Variants in PUM1 observed in about 807,000 individuals in gnomAD.
PUM1 encodes the protein pumilio RNA binding family member 1.
PUM1 carries 13 observed loss-of-function variants against 131.8 expected under a neutral mutation model. The ratio of observed to expected loss-of-function variants is 0.10; its 90% confidence interval spans 0.06 to 0.16. The LOEUF is 0.16. PUM1 is among the 10% of genes least tolerant of loss of function. The probability of loss-of-function intolerance (pLI) is 1.00; values close to 1 mark genes in which losing one functional copy is unlikely to be tolerated. For synonymous variants in PUM1, 509 were observed against 556.5 expected (o/e 0.91, Z 1.20); for missense variants, 961 against 1,512.4 (o/e 0.64, Z 6.05).
rs1053261904 is a variant in PUM1 at position 30,985,940 on chromosome 1, C to A, written c.1159-4535G>T. On this transcript the variant is annotated intron_variant, in intron 7 of 21. Coordinates refer to ENST00000426105, the MANE Select transcript of PUM1 (RefSeq NM_001020658.2). Reference sequence around the variant, plus strand: ...TAGCTTGTACTAGATGACCTTCAAACAAGTCCCTAAACTTCACTGATTTTT... The same window carrying A: ...TAGCTTGTACTAGATGACCTTCAAAAAAGTCCCTAAACTTCACTGATTTTT... Among the ~76,000 whole-genome samples the A allele has an allele frequency of 1.8e-4, 28 of 152,040 alleles. 1 individual carries two copies. The highest frequency in any genetic ancestry group is 3.2e-3 in the Middle Eastern group (1 of 316).
In PUM1 at chr1:31,003,479, G is replaced by A. The variant is rs150333610; in HGVS notation, c.720+2374C>T. Among the ~76,000 whole-genome samples the A allele has an allele frequency of 3.4e-3, 517 of 152,214 alleles. 2 individuals are homozygous for A. Among genetic ancestry groups the A allele is most frequent in the African/African-American group, 0.011 (470 of 41,512 alleles). On this transcript the variant is annotated intron_variant, in intron 5 of 21. Transcript: ENST00000426105. The stretch of plus-strand genomic sequence containing the variant: ...AAAGCTGATAATCAGTTCACTGGCC[G>A]GGCGCGGTGGCTCACGCTTGTAATC...
intron 7 of PUM1, among the ~76,000 whole-genome samples, chr1:30,988,893 G>A (rs1029753142): frequency 3.9e-5 from 6 of 152,104 alleles, no homozygotes; most frequent in African/African-American, 1.4e-4. Context: ...CATTAATTTA[G>A]CACTTAGTTC....
chr1:30,979,536 G>C (rs1641275393), intron 9 of PUM1, among the ~76,000 whole-genome samples: 2 of 151,786 alleles, frequency 1.3e-5, no homozygotes, highest in Non-Finnish European at 2.9e-5. Context: ...CCGACTCCAA[G>C]TAAGTTGTAA....
intron 2 of PUM1, among the ~76,000 whole-genome samples, chr1:31,046,716 C>T (rs918807800): frequency 6.6e-6 from 1 of 151,908 alleles, no homozygotes; most frequent in African/African-American, 2.4e-5. Flanking sequence ...GTGATCCACC[C>T]ACCTCCGTCT....
chr1:31,009,017 CAAA>C (rs57893493), intron 3 of PUM1, among the ~76,000 whole-genome samples: 1 of 121,808 alleles, frequency 8.2e-6, no homozygotes, highest in Non-Finnish European at 1.8e-5. Context: ...ACTAAAAATA[CAAA>C]AAAAAAAAAA....
At chr1:31,020,589 A>G (rs1449890343) in intron 3 of PUM1, among the ~76,000 whole-genome samples, 2 of 152,156 alleles carry the variant, frequency 1.3e-5, no homozygotes, top group Non-Finnish European at 2.9e-5. Flanking sequence ...ACACCCCCAA[A>G]GCAGGAAGCA....
intron 2 of PUM1, among the ~76,000 whole-genome samples, chr1:31,049,689 A>T (rs1644060649): frequency 6.6e-6 from 1 of 152,082 alleles, no homozygotes; most frequent in African/African-American, 2.4e-5. Context: ...CAAAAAAATA[A>T]AATTAAATTT....
At chr1:30,986,617 A>G (rs1641570767) in intron 7 of PUM1, among the ~76,000 whole-genome samples, 1 of 152,216 alleles carries the variant, frequency 6.6e-6, no homozygotes, top group Admixed American at 6.5e-5. Flanking sequence ...ATCTGATTCC[A>G]AAACAAATGA....
chr1:30,956,869 C>T (rs1389328216), intron 14 of PUM1, among the ~76,000 whole-genome samples: 3 of 152,092 alleles, frequency 2.0e-5, no homozygotes, highest in Non-Finnish European at 4.4e-5. Context: ...ACTATACTTC[C>T]AGTTATAAAG....
chr1:31,060,217 T>C (rs1469601887), intron 1 of PUM1, among the ~76,000 whole-genome samples: 2 of 150,370 alleles, frequency 1.3e-5, no homozygotes, highest in East Asian at 4.2e-4. Context: ...TCCCAGCACT[T>C]TGGGAGGCCA....
intron 2 of PUM1, among the ~76,000 whole-genome samples, chr1:31,040,650 T>C (rs1307722457): frequency 6.6e-6 from 1 of 152,182 alleles, no homozygotes; most frequent in Non-Finnish European, 1.5e-5. Context: ...CGAAGGCATA[T>C]GCCTGTAGTG....
At chr1:30,968,216 G>T (rs1640704411) in intron 11 of PUM1, 138 bp downstream of exon 11, 1 of 1,152,974 alleles carries the variant, frequency 8.7e-7, no homozygotes, top group Non-Finnish European at 1.3e-6. Context: ...GTGAGGGCAA[G>T]TGTGTATCAT....
At chr1:31,032,935 G>A (rs559465753) in intron 2 of PUM1, among the ~76,000 whole-genome samples, 3 of 151,914 alleles carry the variant, frequency 2.0e-5, no homozygotes, top group Non-Finnish European at 4.4e-5. Flanking sequence ...GCAAAACTCC[G>A]TCTCTACTAA....
chr1:30,961,977 C>T (rs1454358790), intron 14 of PUM1, among the ~76,000 whole-genome samples: 1 of 152,144 alleles, frequency 6.6e-6, no homozygotes, highest in Non-Finnish European at 1.5e-5. Context: ...TGTTATGTTT[C>T]TTATACTAAA....
intron 18 of PUM1, among the ~76,000 whole-genome samples, chr1:30,943,943 T>C (rs1639564341): frequency 6.6e-6 from 1 of 152,260 alleles, no homozygotes; most frequent in Non-Finnish European, 1.5e-5. Flanking sequence ...GGCTCACTTT[T>C]ACATCATGTT....
chr1:31,014,643 C>A (rs927501692), intron 3 of PUM1, among the ~76,000 whole-genome samples: 2 of 151,894 alleles, frequency 1.3e-5, no homozygotes, highest in Admixed American at 1.3e-4. Flanking sequence ...CAAAAATCAG[C>A]CAGGCGTAGT....
intron 5 of PUM1, among the ~76,000 whole-genome samples, chr1:31,002,611 C>T (rs1237854304): frequency 6.6e-6 from 1 of 152,048 alleles, no homozygotes; most frequent in Non-Finnish European, 1.5e-5. Context: ...CCACCCTGAA[C>T]CATGGGGGGC....
At chr1:30,942,973 C>A (rs1055282561) in intron 18 of PUM1, among the ~76,000 whole-genome samples, 6 of 152,120 alleles carry the variant, frequency 3.9e-5, no homozygotes, top group Non-Finnish European at 1.5e-5. Flanking sequence ...CCAGGCTGTT[C>A]CTGTACTCCT....
intron 14 of PUM1, among the ~76,000 whole-genome samples, chr1:30,959,121 A>G (rs1349261005): frequency 6.6e-6 from 1 of 152,262 alleles, no homozygotes; most frequent in African/African-American, 2.4e-5. Context: ...ATGTAAAGAA[A>G]TGGGTTAAGT....
Sources: gnomAD v4.1 joint callset for allele counts (sites outside exome capture counted in the v4.1 genomes callset) on GRCh38, gnomAD v4.1.1 for gene constraint, MANE v1.5 for transcripts, NCBI Gene and HGNC (gene_info 2026-07-23, HGNC 2026-07-21) for gene names.